The following MNAT1 variants were observed in gnomAD, a reference collection of about 807,000 sequenced individuals.
MNAT1 encodes CDK-activating kinase assembly factor MAT1.
In MNAT1, 43 loss-of-function variants were observed where a neutral mutation model predicts 42.0. That is an observed-to-expected ratio of 1.02 (90% CI 0.80 to 1.32). MNAT1 has a LOEUF of 1.32. MNAT1 is among the 40% of genes most tolerant of loss of function. The probability of loss-of-function intolerance (pLI) is 0.00; values close to 1 mark genes in which losing one functional copy is unlikely to be tolerated. For missense variants in MNAT1, 306 were observed against 350.4 expected (o/e 0.87, Z 1.01); for synonymous variants, 118 against 120.0 (o/e 0.98, Z 0.11).
chr14:60,770,647 A>T (rs1347620963), intron 1 of MNAT1, among the ~76,000 whole-genome samples: 1 of 152,182 alleles, frequency 6.6e-6, no homozygotes, highest in African/African-American at 2.4e-5. Flanking sequence ...TTGAAATATT[A>T]ACCCAGCAGT....
intron 7 of MNAT1, among the ~76,000 whole-genome samples, chr14:60,923,836 C>T (rs1351870122): frequency 6.6e-6 from 1 of 152,098 alleles, no homozygotes; most frequent in Non-Finnish European, 1.5e-5. Flanking sequence ...AAAAATTAGC[C>T]AGGTGTGGTG....
At chr14:60,746,012 A>G (rs1896602423) in intron 1 of MNAT1, among the ~76,000 whole-genome samples, 1 of 152,172 alleles carries the variant, frequency 6.6e-6, no homozygotes, top group Non-Finnish European at 1.5e-5. Flanking sequence ...AACATATGTA[A>G]GAGTTGGTGT....
At chr14:60,893,239 AG>A (rs2034883404) in intron 7 of MNAT1, among the ~76,000 whole-genome samples, 1 of 151,912 alleles carries the variant, frequency 6.6e-6, no homozygotes, top group African/African-American at 2.4e-5. Flanking sequence ...AGGCCATCAA[AG>A]GAATTCTTTT....
rs964598050 is a variant in MNAT1 at position 60,851,720 on chromosome 14, G to C, written c.688-27994G>C. 5.3e-5 allele frequency among the ~76,000 whole-genome samples: 8 copies of C among 152,128 alleles called. No individual in the cohort carries two copies. In the South Asian group the frequency reaches 1.7e-3, roughly 32 times the overall value. ...TCCCCTTGCCTGCCACCCACCAACA[G>C]GCCCTGGTGTGTGATGTTCCCCTCC... On this transcript the variant is annotated intron_variant, in intron 6 of 7. Transcript: ENST00000261245.
intron 6 of MNAT1, among the ~76,000 whole-genome samples, chr14:60,824,777 A>G (rs1051651993): frequency 6.6e-6 from 1 of 152,190 alleles, no homozygotes; most frequent in African/African-American, 2.4e-5. Context: ...GTAAATAGTA[A>G]TAATTAGCAA....
rs545989930 is a variant in MNAT1, at chr14:60,914,530, T to G, written c.809+34695T>G. Reference sequence around the variant, plus strand: ...TTTCATGGTTATTACAGAAAATAATTTAGTTGTGTAGAGGCACAGATATGG... The same window carrying G: ...TTTCATGGTTATTACAGAAAATAATGTAGTTGTGTAGAGGCACAGATATGG... On this transcript the variant is annotated intron_variant, in intron 7 of 7. Coordinates refer to ENST00000261245, the MANE Select transcript of MNAT1 (RefSeq NM_002431.4). 3.0e-4 allele frequency among the ~76,000 whole-genome samples: 43 copies of G among 143,412 alleles called. No homozygotes were observed. In the East Asian group the frequency reaches 7.7e-3, roughly 26 times the overall value. The allele number at this position is 143,412 out of a possible 152,430, so 94.1% of individuals were successfully genotyped here. A position where few individuals can be genotyped will look rare whatever the true frequency, so the allele number is the denominator to read the frequency against.
chr14:60,830,025 A>G lies in MNAT1; in HGVS notation c.687+11178A>G, dbSNP rs1029708935. On this transcript the variant is annotated intron_variant, in intron 6 of 7. Transcript: ENST00000261245. ...GGAAAAAGAAGGAAGATGTGTTTCAATCAGTCTCTGAACATTAACTCACTT... is the reference window on the plus strand; with the variant it reads ...GGAAAAAGAAGGAAGATGTGTTTCAGTCAGTCTCTGAACATTAACTCACTT... 2.6e-5 allele frequency among the ~76,000 whole-genome samples: 4 copies of G among 152,326 alleles called. 1 individual carries two copies. Among genetic ancestry groups the G allele is most frequent in the East Asian group, 3.9e-4 (2 of 5,190 alleles).
intron 7 of MNAT1, among the ~76,000 whole-genome samples, chr14:60,916,551 A>T (rs1051096106): frequency 2.0e-5 from 3 of 152,302 alleles, no homozygotes; most frequent in Non-Finnish European, 4.4e-5. Flanking sequence ...GCTACCCAGG[A>T]GGCTGAGGTG....
At chr14:60,916,691 C>T (rs780154007) in intron 7 of MNAT1, among the ~76,000 whole-genome samples, 28 of 152,260 alleles carry the variant, frequency 1.8e-4, no homozygotes, top group Non-Finnish European at 3.7e-4. Context: ...GTGGCTTATG[C>T]CTGTAATCCT....
In MNAT1 at chr14:60,831,303, T is replaced by C. The variant is rs149807412; in HGVS notation, c.687+12456T>C. Among the ~76,000 whole-genome samples the C allele has an allele frequency of 5.1e-3, 780 of 152,174 alleles. 14 individuals are homozygous for C. Among genetic ancestry groups the C allele is most frequent in the African/African-American group, 0.018 (732 of 41,518 alleles). On this transcript the variant is annotated intron_variant, in intron 6 of 7. Coordinates refer to ENST00000261245, the MANE Select transcript of MNAT1 (RefSeq NM_002431.4). ...ATCAACCCATCATCTACATTAGGTATTTCTTCTAATGCTATCCCTCCCCTA... is the reference window on the plus strand; with the variant it reads ...ATCAACCCATCATCTACATTAGGTACTTCTTCTAATGCTATCCCTCCCCTA...
chr14:60,816,677 C>A (rs1480933806), intron 5 of MNAT1, among the ~76,000 whole-genome samples: 1 of 152,028 alleles, frequency 6.6e-6, no homozygotes, highest in East Asian at 1.9e-4. Context: ...AAGGCTAAAT[C>A]TGCATGTTAG....
chr14:60,822,589 C>T (rs1476119206), intron 6 of MNAT1, among the ~76,000 whole-genome samples: 2 of 148,626 alleles, frequency 1.3e-5, no homozygotes, highest in African/African-American at 4.9e-5. Flanking sequence ...CCACTCTGGG[C>T]TAGTTTTTAA....
chr14:60,767,323 C>A (rs1038183702), intron 1 of MNAT1, among the ~76,000 whole-genome samples: 3 of 152,174 alleles, frequency 2.0e-5, no homozygotes, highest in Non-Finnish European at 2.9e-5. Flanking sequence ...GTCTAACATA[C>A]CTTGCTTTGT....
At chr14:60,787,523 A>G (rs190746801) in intron 1 of MNAT1, among the ~76,000 whole-genome samples, 7 of 152,306 alleles carry the variant, frequency 4.6e-5, no homozygotes, top group Non-Finnish European at 5.9e-5. Flanking sequence ...TGAGACAACA[A>G]TGAAGTTCGT....
At chr14:60,921,095 C>T (rs190021738) in intron 7 of MNAT1, among the ~76,000 whole-genome samples, 21 of 152,044 alleles carry the variant, frequency 1.4e-4, no homozygotes, top group African/African-American at 2.4e-4. Context: ...CTAAATTAAA[C>T]GTAGGAAACA....
intron 6 of MNAT1, among the ~76,000 whole-genome samples, chr14:60,835,293 A>G (rs1012970839): frequency 6.6e-6 from 1 of 152,054 alleles, no homozygotes; most frequent in Non-Finnish European, 1.5e-5. Flanking sequence ...TCCTGTCATG[A>G]TGCTAGCTGG....
rs867748056 is a variant in MNAT1, at chr14:60,962,569, C to G, written c.810-5660C>G. 2.0e-5 allele frequency among the ~76,000 whole-genome samples: 3 copies of G among 152,242 alleles called. No homozygotes were observed. In the Middle Eastern group the frequency reaches 0.01, roughly 521 times the overall value. ...TCCTTTCATTATGTAATTATATTAA[C>G]TGTCAGTAATAACTGTTCTATCCAA... On this transcript the variant is annotated intron_variant, in intron 7 of 7. Transcript: ENST00000261245.
chr14:60,781,003 T>G lies in MNAT1; in HGVS notation c.90-15214T>G, dbSNP rs551639604. On this transcript the variant is annotated intron_variant, in intron 1 of 7. Coordinates refer to ENST00000261245, the MANE Select transcript of MNAT1 (RefSeq NM_002431.4). ...AAATACAGCAAAGGAAGTCTAAATATTCAGAATCTTTGTTAAAGTCCTGAA... is the reference window on the plus strand; with the variant it reads ...AAATACAGCAAAGGAAGTCTAAATAGTCAGAATCTTTGTTAAAGTCCTGAA... Among the ~76,000 whole-genome samples the G allele has an allele frequency of 1.1e-3, 168 of 152,348 alleles. 1 individual carries two copies. The highest frequency in any genetic ancestry group is 2.0e-3 in the Non-Finnish European group (134 of 68,034).
intron 6 of MNAT1, 42 bp from the exon 7 acceptor site, chr14:60,879,672 A>T: frequency 6.5e-7 from 1 of 1,546,760 alleles, no homozygotes; most frequent in Non-Finnish European, 8.8e-7. Flanking sequence ...GCAATATGAA[A>T]ATAATAATAA....
Sources: allele counts gnomAD v4.1 joint callset (sites outside exome capture counted in the v4.1 genomes callset), GRCh38; gene constraint gnomAD v4.1.1; transcripts MANE v1.5; gene names NCBI Gene and HGNC (gene_info 2026-07-23, HGNC 2026-07-21).